ABR: variants seen among roughly 807,000 people sequenced by gnomAD.
ABR encodes active breakpoint cluster region-related protein.
Under a neutral mutation model 107.2 loss-of-function variants are expected in ABR, and 35 were observed. The observed-to-expected ratio is 0.33, with a 90% CI of 0.25 to 0.43. The LOEUF is 0.43. Ranked by LOEUF, ABR falls within the 20% of genes least tolerant of loss-of-function variation. The pLI, the probability that ABR is intolerant of heterozygous loss-of-function variation, is 1.00. For missense variants in ABR, 815 were observed against 1,115.2 expected (o/e 0.73, Z 3.83); for synonymous variants, 498 against 462.0 (o/e 1.08, Z -1.00).
intron 1 of ABR, among the ~76,000 whole-genome samples, chr17:1,136,577 A>G (rs972770339): frequency 6.6e-6 from 1 of 152,090 alleles, no homozygotes; most frequent in African/African-American, 2.4e-5. Flanking sequence ...TCTTTGCTAC[A>G]TCTTCTGCAC....
upstream of ABR, among the ~76,000 whole-genome samples, chr17:1,191,202 C>T (rs953239205): frequency 1.3e-5 from 2 of 152,096 alleles, no homozygotes; most frequent in African/African-American, 2.4e-5. Flanking sequence ...TCTCGGGCCT[C>T]GAGTTTGTAA....
rs141574233 is a variant in ABR, at chr17:1,038,445, C to T, written c.1791+11605G>A. 4.3e-3 allele frequency among the ~76,000 whole-genome samples: 660 copies of T among 152,328 alleles called. 1 individual carries two copies. Among genetic ancestry groups the T allele is most frequent in the Non-Finnish European group, 6.7e-3 (458 of 68,022 alleles). ...GGCTGTGGGTTCGCCCTGGCAGCCT[C>T]GAGAGGGGACAGCACCTGTCTAGTG... On this transcript the variant is annotated intron_variant, in intron 16 of 22. Transcript: ENST00000302538.
At chr17:1,036,442 A>AG (rs2073181712) in intron 16 of ABR, among the ~76,000 whole-genome samples, 2 of 146,274 alleles carry the variant, frequency 1.4e-5, no homozygotes, top group African/African-American at 2.8e-5. Flanking sequence ...AGAGGACCAG[A>AG]GCTGGGGGAC....
In ABR at chr17:1,100,297, C is replaced by T. The variant is rs114950862; in HGVS notation, c.345+340G>A. 6.5e-3 allele frequency among the ~76,000 whole-genome samples: 983 copies of T among 152,298 alleles called. 7 individuals are homozygous for T. The highest frequency in any genetic ancestry group is 0.022 in the African/African-American group (924 of 41,564). ...TTGGGAATGACTGCCCAGAGCACAG[C>T]GTGGAGAAGGCGCTCGGCCCCCGCC... On this transcript the variant is annotated intron_variant, in intron 3 of 22. Coordinates refer to ENST00000302538, the MANE Select transcript of ABR (RefSeq NM_021962.5).
intron 2 of ABR, among the ~76,000 whole-genome samples, chr17:1,119,413 G>A (rs1250957143): frequency 1.0e-4 from 9 of 88,328 alleles, no homozygotes; most frequent in African/African-American, 1.5e-4. Flanking sequence ...TCCTCCCAGC[G>A]TTATCCCTGA....
At position 1,012,993 on chromosome 17, in the gene ABR, G is replaced by T. The variant is rs2070760993; in HGVS notation, c.1851+112C>A. The T allele has an allele frequency of 6.7e-6, 9 of 1,350,756 alleles. No homozygotes were observed. The South Asian group carries it at 9.5e-5, about 14-fold the overall frequency. The allele number at this position is 1,350,756 out of a possible 1,614,324, so 83.7% of individuals were successfully genotyped here. On this transcript the variant is annotated intron_variant, in intron 17 of 22. Coordinates refer to ENST00000302538, the MANE Select transcript of ABR (RefSeq NM_021962.5). ...GGAGAGGGGGCTGGGCTGCGGGGAGGTCGAGGCGGCACAGCGGCCCCAGGA... is the reference window on the plus strand; with the variant it reads ...GGAGAGGGGGCTGGGCTGCGGGGAGTTCGAGGCGGCACAGCGGCCCCAGGA...
At chr17:1,177,343 C>A (rs1308535877) in intron 1 of ABR, among the ~76,000 whole-genome samples, 1 of 152,216 alleles carries the variant, frequency 6.6e-6, no homozygotes, top group African/African-American at 2.4e-5. Context: ...AGGGACTCCT[C>A]ACACTGCGGC....
At chr17:1,142,359 C>T (rs535627614) in intron 1 of ABR, among the ~76,000 whole-genome samples, 75 of 152,034 alleles carry the variant, frequency 4.9e-4, no homozygotes, top group Admixed American at 7.9e-4. Context: ...CCGAGGCAGG[C>T]GGATCACCTG....
intron 16 of ABR, among the ~76,000 whole-genome samples, chr17:1,038,185 G>A (rs2073341652): frequency 6.6e-6 from 1 of 152,136 alleles, no homozygotes; most frequent in African/African-American, 2.4e-5. Context: ...AGAATCTGAG[G>A]CACACCTCAG....
At chr17:1,045,027 A>G (rs1474660152) in intron 16 of ABR, among the ~76,000 whole-genome samples, 2 of 152,262 alleles carry the variant, frequency 1.3e-5, no homozygotes, top group African/African-American at 4.8e-5. Flanking sequence ...AATCCATGAA[A>G]ACAGAAAAAC....
At chr17:1,139,548 G>T (rs1290304076) in intron 1 of ABR, among the ~76,000 whole-genome samples, 2 of 136,942 alleles carry the variant, frequency 1.5e-5, no homozygotes, top group East Asian at 4.7e-4. Flanking sequence ...CACCGTGCCC[G>T]GCCTGTTTTT....
At chr17:1,165,211 C>A (rs897675541) in intron 1 of ABR, among the ~76,000 whole-genome samples, 1 of 152,258 alleles carries the variant, frequency 6.6e-6, no homozygotes, top group African/African-American at 2.4e-5. Context: ...CAGAACCGGG[C>A]CCTGGAGCGC....
chr17:1,068,206 T>C (rs574579145), intron 9 of ABR, among the ~76,000 whole-genome samples: 54 of 152,362 alleles, frequency 3.5e-4, no homozygotes, highest in African/African-American at 1.2e-3. Context: ...GTGCTGGGAT[T>C]ACAGGCATAA....
chr17:1,131,992 CACACCAA>C (rs2039859578), intron 1 of ABR, among the ~76,000 whole-genome samples: 3 of 146,240 alleles, frequency 2.1e-5, no homozygotes, highest in African/African-American at 8.0e-5. Context: ...CCCCTCTTTG[CACACCAA>C]ATGCAGTGCC....
Position 1,200,710 on chromosome 17 carries a change from A to G in ABR, c.838+28083T>C, listed in dbSNP as rs982827663. 6.6e-6 allele frequency among the ~76,000 whole-genome samples: 1 copy of G among 152,180 alleles called. No homozygotes were observed. Among genetic ancestry groups the G allele is most frequent in the African/African-American group, 2.4e-5 (1 of 41,458 alleles). On this transcript the variant is annotated intron_variant, in intron 1 of 22. Coordinates refer to the ABR transcript ENST00000574139. The surrounding 1 kb of genome is among the most constrained non-coding windows in gnomAD (Gnocchi z 4.1). ...ACACAAAGATGGATCCCCAGGTGGA[A>G]ACCCGGGCACGTCATCCCGGTTTGT... is the stretch of plus-strand genomic sequence containing the variant.
In ABR at chr17:1,203,398, C is replaced by G. The variant is rs866917261; in HGVS notation, c.838+25395G>C. 2.9e-3 allele frequency among the ~76,000 whole-genome samples: 7 copies of G among 2,386 alleles called. 1 individual carries two copies. The highest frequency in any genetic ancestry group is 0.026 in the East Asian group (1 of 38). The allele number at this position is 2,386 out of a possible 152,430, so 1.6% of individuals were successfully genotyped here. A position where few individuals can be genotyped will look rare whatever the true frequency, so the allele number is the denominator to read the frequency against. Reference sequence around the variant, plus strand: ...GGCGGGGCCTTGAGGGGGCGGGGCCCGCGGGGGGCGGAGTCTGCGGGGGCG... The same window carrying G: ...GGCGGGGCCTTGAGGGGGCGGGGCCGGCGGGGGGCGGAGTCTGCGGGGGCG... On this transcript the variant is annotated intron_variant, in intron 1 of 22. Transcript: ENST00000574139.
At chr17:1,012,387 T>G in intron 18 of ABR, 1 of 660,388 alleles carries the variant, frequency 1.5e-6, no homozygotes, top group Non-Finnish European at 2.8e-6. Flanking sequence ...CCAGTCCCCG[T>G]TGGTGCCGAG....
chr17:1,014,314 G>T lies in ABR; in HGVS notation c.1792-1150C>A, dbSNP rs1053347936. Among the ~76,000 whole-genome samples the T allele has an allele frequency of 3.0e-5, 4 of 134,206 alleles. No homozygotes were observed. The Admixed American group carries it at 3.1e-4, about 10-fold the overall frequency. The allele number at this position is 134,206 out of a possible 152,430, so 88.0% of individuals were successfully genotyped here. A position where few individuals can be genotyped will look rare whatever the true frequency, so the allele number is the denominator to read the frequency against. On this transcript the variant is annotated intron_variant, in intron 16 of 22. Transcript: ENST00000302538. Reference sequence around the variant, plus strand: ...AAATTAGCCGGGCGTGGTGGCGGGCGCCTGTAGTCCCAGCTACTTGGGAGG... The same window carrying T: ...AAATTAGCCGGGCGTGGTGGCGGGCTCCTGTAGTCCCAGCTACTTGGGAGG...
intron 5 of ABR, among the ~76,000 whole-genome samples, chr17:1,080,860 G>A (rs1348606701): frequency 6.6e-6 from 1 of 152,128 alleles, no homozygotes; most frequent in African/African-American, 2.4e-5. Flanking sequence ...CCCCTCCAGT[G>A]AAGTCTAGGG....
Sources: allele counts gnomAD v4.1 joint callset (sites outside exome capture counted in the v4.1 genomes callset), GRCh38; gene constraint gnomAD v4.1.1; non-coding constraint Gnocchi (gnomAD v3.1); transcripts MANE v1.5; gene names NCBI Gene and HGNC (gene_info 2026-07-23, HGNC 2026-07-21).